Variants in STPG2 observed in about 807,000 individuals in gnomAD.
STPG2 encodes the protein sperm-tail PG-rich repeat-containing protein 2.
A neutral mutation model predicts 54.2 loss-of-function variants in STPG2; 56 were observed. That is an observed-to-expected ratio of 1.03 (90% CI 0.83 to 1.29). The LOEUF (loss-of-function observed/expected upper bound fraction) is 1.29, where lower values mean the gene tolerates loss of function less well. STPG2 is among the 50% of genes most tolerant of loss of function. The probability of loss-of-function intolerance (pLI) is 0.00; values close to 1 mark genes in which losing one functional copy is unlikely to be tolerated. For synonymous variants in STPG2, 200 were observed against 181.8 expected, an observed-to-expected ratio of 1.10 and a Z score of -0.81; for missense variants, 596 against 544.9, an observed-to-expected ratio of 1.09 and a Z score of -0.93.
intron 6 of STPG2, among the ~76,000 whole-genome samples, chr4:97,979,735 T>TC (rs1026825414): frequency 7.3e-5 from 11 of 151,664 alleles, no homozygotes; most frequent in African/African-American, 2.7e-4. Flanking sequence ...TTTCTTTTTT[T>TC]TTTTTTTTGA....
At chr4:97,811,761 A>AT (rs1419704025) in intron 9 of STPG2, among the ~76,000 whole-genome samples, 2 of 151,936 alleles carry the variant, frequency 1.3e-5, no homozygotes, top group African/African-American at 4.8e-5. Context: ...TTGAAACCTA[A>AT]TTGACAGTAT....
chr4:97,743,264 C>T (rs1725323756), intron 9 of STPG2, among the ~76,000 whole-genome samples: 2 of 151,694 alleles, frequency 1.3e-5, no homozygotes, highest in South Asian at 4.1e-4. Flanking sequence ...TTATTCTCCA[C>T]ACCTAGCACT....
At chr4:97,670,798 T>C (rs1323048020) in intron 10 of STPG2, among the ~76,000 whole-genome samples, 1 of 152,184 alleles carries the variant, frequency 6.6e-6, no homozygotes. Context: ...GATAACCATA[T>C]ACTGTTTAAA....
At chr4:98,122,712 A>C (rs1282526970) in intron 3 of STPG2, among the ~76,000 whole-genome samples, 1 of 136,636 alleles carries the variant, frequency 7.3e-6, no homozygotes, top group African/African-American at 2.8e-5. Context: ...GTTAAGGAGG[A>C]GTCCCTCCTT....
chr4:98,116,059 A>G (rs1739514545), intron 3 of STPG2, among the ~76,000 whole-genome samples: 1 of 151,948 alleles, frequency 6.6e-6, no homozygotes, highest in South Asian at 2.1e-4. Context: ...AAATTAGGCC[A>G]TCAAATAAAT....
intron 10 of STPG2, among the ~76,000 whole-genome samples, chr4:97,653,089 T>C (rs1459313312): frequency 6.9e-6 from 1 of 145,198 alleles, no homozygotes; most frequent in Non-Finnish European, 1.5e-5. Context: ...AGATGATTGA[T>C]AGATGATAGA....
intron 9 of STPG2, among the ~76,000 whole-genome samples, chr4:97,820,783 A>AC (rs1296600362): frequency 2.0e-5 from 3 of 152,068 alleles, no homozygotes; most frequent in African/African-American, 7.2e-5. Context: ...ACAAGGTGGC[A>AC]CAGAGAGGTT....
intron 6 of STPG2, among the ~76,000 whole-genome samples, chr4:97,973,470 A>G (rs542263334): frequency 6.6e-6 from 1 of 152,346 alleles, no homozygotes; most frequent in African/African-American, 2.4e-5. Flanking sequence ...TGATAGAAAA[A>G]CAAAAACCCA....
intron 9 of STPG2, among the ~76,000 whole-genome samples, chr4:97,796,969 A>G (rs2149085663): frequency 6.6e-6 from 1 of 152,162 alleles, no homozygotes; most frequent in Admixed American, 6.5e-5. Context: ...TGTGAATGGG[A>G]GTTCACTCAT....
At position 97,840,901 on chromosome 4, in the gene STPG2, T is replaced by G. The variant is rs768958932; in HGVS notation, c.1076A>C (p.His359Pro). 1.2e-6 allele frequency: 2 copies of G among 1,611,932 alleles called. No individual in the cohort carries two copies. The highest frequency in any genetic ancestry group is 1.7e-6 in the Non-Finnish European group (2 of 1,178,538). Reference sequence around the variant, plus strand: ...AACTTGGGACATCTCATATGATTTGTGAACATCATAGCTGCCTGGCGCTGG... The same window carrying G: ...AACTTGGGACATCTCATATGATTTGGGAACATCATAGCTGCCTGGCGCTGG... ...VIPAPGSYDV[H>P]KSYEMSQVKH... The change falls in exon 9 of 11, where the codon CAC becomes CCC. Residue 359 changes from histidine to proline, a missense_variant. Coordinates refer to ENST00000295268, the MANE Select transcript of STPG2 (RefSeq NM_174952.3).
chr4:97,762,917 T>A (rs1283454030), intron 9 of STPG2, among the ~76,000 whole-genome samples: 2 of 152,190 alleles, frequency 1.3e-5, no homozygotes, highest in African/African-American at 4.8e-5. Context: ...TGATTAAATC[T>A]TCCCTAACGT....
intron 7 of STPG2, among the ~76,000 whole-genome samples, chr4:97,957,191 TGAA>T (rs1212997637): frequency 2.1e-5 from 3 of 144,416 alleles, no homozygotes; most frequent in Non-Finnish European, 3.1e-5. Context: ...ATATATGAAA[TGAA>T]GGAAGAAATA....
chr4:97,870,547 T>G (rs756154668), intron 8 of STPG2, among the ~76,000 whole-genome samples: 13 of 151,382 alleles, frequency 8.6e-5, no homozygotes, highest in Admixed American at 3.3e-4. Context: ...ATTATAAAAA[T>G]TACAATTCAA....
chr4:97,560,302 C>A (rs1386450701), intron 10 of STPG2, among the ~76,000 whole-genome samples: 3 of 152,136 alleles, frequency 2.0e-5, no homozygotes. Context: ...AATAGAAAAT[C>A]TAATGTGCTC....
chr4:98,095,408 T>C (rs998190251), intron 5 of STPG2, among the ~76,000 whole-genome samples: 1 of 152,152 alleles, frequency 6.6e-6, no homozygotes, highest in African/African-American at 2.4e-5. Flanking sequence ...AGACCCAGTG[T>C]TATGCTGCCG....
intron 10 of STPG2, among the ~76,000 whole-genome samples, chr4:97,616,474 G>T (rs1054130345): frequency 6.6e-6 from 1 of 151,906 alleles, no homozygotes; most frequent in Non-Finnish European, 1.5e-5. Flanking sequence ...ACATGATTTT[G>T]TATCTATCTA....
intron 4 of STPG2, among the ~76,000 whole-genome samples, chr4:97,488,298 G>A (rs995801760): frequency 2.6e-5 from 4 of 151,600 alleles, no homozygotes; most frequent in African/African-American, 9.7e-5. Context: ...CCATGTGCTA[G>A]ACATTGTTCT....
intron 8 of STPG2, among the ~76,000 whole-genome samples, chr4:97,851,267 T>C (rs1290093315): frequency 6.6e-6 from 1 of 152,194 alleles, no homozygotes; most frequent in Non-Finnish European, 1.5e-5. Context: ...GGTAAATGTC[T>C]TTGCAAACAG....
rs1050122065 is a variant in STPG2, at chr4:97,489,563, C to T, written c.462+223136G>A. On this transcript the variant is annotated intron_variant, in intron 4 of 4. Transcript: ENST00000522676. ...TAGAGGAACAATTGTCTCTCCTTCC[C>T]TCTTAAATGAAGGGAGGACAACCTT... Among the ~76,000 whole-genome samples, 16 of 151,550 alleles carry T rather than the reference C, an allele frequency of 1.1e-4. No homozygotes were observed. In the Admixed American group the frequency reaches 1.1e-3, roughly 10 times the overall value.
Sources: gnomAD v4.1 joint callset for allele counts (sites outside exome capture counted in the v4.1 genomes callset) on GRCh38, gnomAD v4.1.1 for gene constraint, MANE v1.5 for transcripts, NCBI Gene and HGNC (gene_info 2026-07-23, HGNC 2026-07-21) for gene names.